ANO4: variants seen among roughly 807,000 people sequenced by gnomAD.
ANO4 encodes anoctamin 4.
Under a neutral mutation model 141.9 loss-of-function variants are expected in ANO4, and 69 were observed. The ratio of observed to expected loss-of-function variants is 0.49; its 90% CI spans 0.40 to 0.59. The LOEUF is 0.59. Among genes scored for constraint, ANO4 ranks in the 20% least tolerant of loss-of-function variants. The pLI is 0.00. For missense variants in ANO4, 894 were observed against 1,162.2 expected, an observed-to-expected ratio of 0.77 and a Z score of 3.36; for synonymous variants, 350 against 394.3, an observed-to-expected ratio of 0.89 and a Z score of 1.33.
At chr12:101,089,744 A>G (rs2049673599) in intron 17 of ANO4, among the ~76,000 whole-genome samples, 1 of 152,368 alleles carries the variant, frequency 6.6e-6, no homozygotes, top group Non-Finnish European at 1.5e-5. Context: ...AAAATTGACA[A>G]ATGGGATCTA....
intron 5 of ANO4, among the ~76,000 whole-genome samples, chr12:100,957,821 C>A (rs1183957033): frequency 6.6e-6 from 1 of 152,188 alleles, no homozygotes; most frequent in African/African-American, 2.4e-5. Context: ...CATAAATTAC[C>A]CCATCTCAGG....
At chr12:100,901,200 T>C (rs2040577203) in intron 1 of ANO4, among the ~76,000 whole-genome samples, 1 of 152,234 alleles carries the variant, frequency 6.6e-6, no homozygotes, top group Non-Finnish European at 1.5e-5. Context: ...CATTTTGCTT[T>C]TGGTATGTTT....
intron 10 of ANO4, among the ~76,000 whole-genome samples, chr12:101,038,161 G>T (rs1004043928): frequency 6.6e-6 from 1 of 152,150 alleles, no homozygotes; most frequent in Non-Finnish European, 1.5e-5. Flanking sequence ...AATGTGTTTG[G>T]AATGCTCCAT....
At chr12:100,797,686 A>T (rs1162271014) in intron 1 of ANO4, among the ~76,000 whole-genome samples, 2 of 152,160 alleles carry the variant, frequency 1.3e-5, no homozygotes, top group African/African-American at 2.4e-5. Context: ...ACTATCATCA[A>T]AACTGTGCTT....
intron 2 of ANO4, among the ~76,000 whole-genome samples, chr12:100,904,436 T>A (rs2040743637): frequency 6.6e-6 from 1 of 152,070 alleles, no homozygotes. Flanking sequence ...TGTTGCAATA[T>A]TAAACATGGT....
intron 3 of ANO4, among the ~76,000 whole-genome samples, chr12:100,764,971 C>T (rs1181739081): frequency 6.6e-6 from 1 of 152,080 alleles, no homozygotes; most frequent in Non-Finnish European, 1.5e-5. Flanking sequence ...GTAATGCTGG[C>T]CTCATAAAAT....
Position 101,022,497 on chromosome 12 carries a change from A to T in ANO4, c.841+2357A>T, listed in dbSNP as rs145439586. 1.4e-3 allele frequency among the ~76,000 whole-genome samples: 219 copies of T among 152,324 alleles called. 2 individuals carry two copies. Among genetic ancestry groups the T allele is most frequent in the African/African-American group, 5.2e-3 (216 of 41,582 alleles). ...TACTGAATAATTTAAATGTTACCTTAGTTACTTTTATATCTTAATTTCTTA... is the reference window on the plus strand; with the variant it reads ...TACTGAATAATTTAAATGTTACCTTTGTTACTTTTATATCTTAATTTCTTA... On this transcript the variant is annotated intron_variant, in intron 9 of 27. Transcript: ENST00000392977.
At chr12:100,775,685 A>G (rs568139222) in intron 3 of ANO4, among the ~76,000 whole-genome samples, 14 of 152,356 alleles carry the variant, frequency 9.2e-5, no homozygotes, top group African/African-American at 3.4e-4. Flanking sequence ...CCTGGAATGT[A>G]GTAAAAGGAT....
chr12:100,826,772 T>C (rs1292546328), intron 1 of ANO4, among the ~76,000 whole-genome samples: 1 of 152,064 alleles, frequency 6.6e-6, no homozygotes, highest in Non-Finnish European at 1.5e-5. Context: ...CCAAACCAGT[T>C]CCTCCTGCAG....
intron 10 of ANO4, among the ~76,000 whole-genome samples, chr12:101,039,257 C>T (rs889285031): frequency 6.6e-6 from 1 of 152,148 alleles, no homozygotes; most frequent in East Asian, 1.9e-4. Flanking sequence ...GTAATCCCAG[C>T]ACATTGGGAG....
At chr12:101,050,830 G>A (rs1170859728) in intron 14 of ANO4, among the ~76,000 whole-genome samples, 2 of 152,162 alleles carry the variant, frequency 1.3e-5, no homozygotes, top group Non-Finnish European at 2.9e-5. Context: ...AAGCCACAAG[G>A]GTTGAAAGGG....
chr12:101,004,905 G>A (rs1301407286), intron 8 of ANO4, among the ~76,000 whole-genome samples: 1 of 152,200 alleles, frequency 6.6e-6, no homozygotes. Flanking sequence ...AAAGAGCAAT[G>A]AAAACAGGGG....
rs115212820 is a variant in ANO4 at position 101,095,975 on chromosome 12, C to G, written c.1739-561C>G. 6.7e-3 allele frequency among the ~76,000 whole-genome samples: 1,016 copies of G among 152,294 alleles called. 13 individuals carry two copies. The highest frequency in any genetic ancestry group is 0.023 in the African/African-American group (958 of 41,554). ...CAGATGGTGATATGAATTAAAACCT[C>G]TAAAGATGATGCCACCTCCTTGATA... On this transcript the variant is annotated intron_variant, in intron 18 of 27. Coordinates refer to ENST00000392977, the MANE Select transcript of ANO4 (RefSeq NM_001286615.2).
chr12:100,846,764 A>G lies in ANO4; in HGVS notation c.-141+51737A>G, dbSNP rs919008257. On this transcript the variant is annotated intron_variant, in intron 1 of 27. Transcript: ENST00000392977. ...TGCCACCTTTCTTTATATACTGTCT[A>G]TGTTTTCCTTTTCCTTCTTTGCCAA... Among the ~76,000 whole-genome samples, 6 of 152,062 alleles carry G rather than the reference A, an allele frequency of 3.9e-5. No homozygotes were observed. The East Asian group carries it at 5.8e-4, about 15-fold the overall frequency.
chr12:100,727,137 A>G (rs971349966), intron 1 of ANO4, among the ~76,000 whole-genome samples: 15 of 152,196 alleles, frequency 9.9e-5, no homozygotes, highest in Admixed American at 9.8e-4. Flanking sequence ...AGAAGAATAT[A>G]TATTCCCTGA....
chr12:101,117,016 C>G (rs2050881305), intron 25 of ANO4, among the ~76,000 whole-genome samples: 1 of 152,146 alleles, frequency 6.6e-6, no homozygotes, highest in African/African-American at 2.4e-5. Flanking sequence ...ACTCAGAAAC[C>G]AGGTGCAGTC....
At chr12:100,721,700 A>G (rs2030873450) in intron 1 of ANO4, among the ~76,000 whole-genome samples, 1 of 152,066 alleles carries the variant, frequency 6.6e-6, no homozygotes, top group African/African-American at 2.4e-5. Context: ...TTTGTTTGAG[A>G]CAATGTCTCA....
At chr12:101,027,430 A>G (rs1480367306) in intron 9 of ANO4, among the ~76,000 whole-genome samples, 1 of 152,188 alleles carries the variant, frequency 6.6e-6, no homozygotes, top group Non-Finnish European at 1.5e-5. Flanking sequence ...AGCAGCCAGC[A>G]CTGGGACTCA....
intron 8 of ANO4, among the ~76,000 whole-genome samples, chr12:100,995,001 C>T (rs114167854): frequency 0.02 from 3,108 of 152,116 alleles, 127 homozygotes; most frequent in African/African-American, 0.071. Context: ...AACAGCTCCC[C>T]ACAACAAAAA....
Sources: gnomAD v4.1 joint callset for allele counts (sites outside exome capture counted in the v4.1 genomes callset) on GRCh38, gnomAD v4.1.1 for gene constraint, MANE v1.5 for transcripts, NCBI Gene and HGNC (gene_info 2026-07-23, HGNC 2026-07-21) for gene names.